ZNF189: variants seen among roughly 807,000 people sequenced by gnomAD.
ZNF189 encodes the protein zinc finger protein 189.
In ZNF189, 33 loss-of-function variants were observed where a neutral mutation model predicts 53.5. The observed-to-expected ratio is 0.62, with a 90% CI of 0.47 to 0.82. ZNF189 has a LOEUF of 0.82. Among genes scored for constraint, ZNF189 ranks in the 40% least tolerant of loss-of-function variants. The probability of loss-of-function intolerance (pLI) is 0.00; values close to 1 mark genes in which losing one functional copy is unlikely to be tolerated. For missense variants in ZNF189, 711 were observed against 753.9 expected, an observed-to-expected ratio of 0.94 and a Z score of 0.67; for synonymous variants, 247 against 238.8, an observed-to-expected ratio of 1.03 and a Z score of -0.32.
Position 101,408,243 on chromosome 9 carries a change from C to A in ZNF189, c.475C>A (p.Arg159Ser). 6.2e-7 allele frequency: 1 copy of A among 1,614,104 alleles called. No individual in the cohort carries two copies. The highest frequency in any genetic ancestry group is 2.2e-5 in the East Asian group (1 of 44,874). ...TGAAGAATGTGGAAAGGGTTTTGTC[C>A]GCAAGGCCCATTTCATTCAACATCA... ...KCEECGKGFV[R>S]KAHFIQHQRV... Residue 159 changes from arginine to serine, a missense_variant, in exon 3 of 3, where the codon CGC (arginine) becomes AGC (serine). Physicochemically the swap from Arg to Ser is moderately radical, Grantham distance 110. Transcript: ENST00000339664.
rs536541759 is a variant in ZNF189 at position 101,409,468 on chromosome 9, C to T, written c.1700C>T (p.Pro567Leu). ...QHQRIHTGEK[P>L]YKCEKCDKSF... ...CAGAGAATACACACAGGAGAGAAAC[C>T]TTATAAGTGTGAGAAGTGCGACAAA... Residue 567 changes from proline to leucine, a missense_variant, in exon 3 of 3, where the codon CCT becomes CTT. Coordinates refer to ENST00000339664, the MANE Select transcript of ZNF189 (RefSeq NM_003452.4). 77 of 1,614,160 alleles carry T rather than the reference C, an allele frequency of 4.8e-5. No homozygotes were observed. In the South Asian group the frequency reaches 8.2e-4, roughly 17 times the overall value.
chr9:101,399,130 T>C lies in ZNF189; in HGVS notation c.-27T>C. On this transcript the variant is annotated 5_prime_UTR_variant, in exon 1 of 3. Coordinates refer to ENST00000339664, the MANE Select transcript of ZNF189 (RefSeq NM_003452.4). ...CTCCTTTCCGTGAGGCCGCCCCCAATTCCTGCCCCTATTCTCTGCCTGGGA... is the reference window on the plus strand; with the variant it reads ...CTCCTTTCCGTGAGGCCGCCCCCAACTCCTGCCCCTATTCTCTGCCTGGGA... 1.3e-6 allele frequency: 2 copies of C among 1,572,260 alleles called. No homozygotes were observed. The highest frequency in any genetic ancestry group is 1.7e-5 in the Admixed American group (1 of 59,834).
intron 2 of ZNF189, among the ~76,000 whole-genome samples, chr9:101,405,564 G>T (rs566867857): frequency 6.6e-6 from 1 of 152,230 alleles, no homozygotes; most frequent in African/African-American, 2.4e-5. Context: ...TCTGGAGGGT[G>T]TATATACAGA....
At position 101,409,917 on chromosome 9, in the gene ZNF189, A is replaced by C; in HGVS notation, c.*268A>C. The C allele has an allele frequency of 2.8e-6, 1 of 354,514 alleles. No individual in the cohort carries two copies. Among genetic ancestry groups the C allele is most frequent in the South Asian group, 4.0e-5 (1 of 24,744 alleles). 22.0% of individuals were successfully genotyped at this position (354,514 alleles called of 1,614,324 possible). Reference sequence around the variant, plus strand: ...GAGAGATTAAACCTAGGTTCAGAGCATGGGTGCTCTGAGGGACAAAGTTGG... The same window carrying C: ...GAGAGATTAAACCTAGGTTCAGAGCCTGGGTGCTCTGAGGGACAAAGTTGG... On this transcript the variant is annotated 3_prime_UTR_variant, in exon 3 of 3. Coordinates refer to ENST00000339664, the MANE Select transcript of ZNF189 (RefSeq NM_003452.4).
At chr9:101,401,240 C>T (rs1241136810) in intron 2 of ZNF189, among the ~76,000 whole-genome samples, 1 of 152,118 alleles carries the variant, frequency 6.6e-6, no homozygotes, top group Non-Finnish European at 1.5e-5. Context: ...TATTTTTTGT[C>T]ACTGATATGC....
chr9:101,402,770 A>G (rs191429080), intron 2 of ZNF189, among the ~76,000 whole-genome samples: 37 of 152,318 alleles, frequency 2.4e-4, no homozygotes, highest in Middle Eastern at 6.8e-3. Flanking sequence ...AGCCAGGCCT[A>G]TATTATATGC....
intron 2 of ZNF189, among the ~76,000 whole-genome samples, chr9:101,403,600 C>T (rs549348866): frequency 1.2e-3 from 186 of 152,352 alleles, no homozygotes; most frequent in Non-Finnish European, 2.0e-3. Context: ...AGCTTAATTT[C>T]TCAGATCTTT....
Position 101,408,939 on chromosome 9 carries a change from C to G in ZNF189, c.1171C>G (p.Gln391Glu). The G allele has an allele frequency of 6.2e-7, 1 of 1,613,986 alleles. No homozygotes were observed. The highest frequency in any genetic ancestry group is 8.5e-7 in the Non-Finnish European group (1 of 1,179,984). ...TCAGCTTTGCAACCTTACTCGTCAT[C>G]AGAGAATTCACACAGGAGACAAGCC... ...FSQLCNLTRH[Q>E]RIHTGDKPHK... Residue 391 changes from glutamine (Q) to glutamate (E), a missense_variant, in exon 3 of 3, where the codon CAG (glutamine) becomes GAG (glutamate). By Grantham distance (29) the Gln-to-Glu change is conservative (BLOSUM62 2). Coordinates refer to ENST00000339664, the MANE Select transcript of ZNF189 (RefSeq NM_003452.4).
chr9:101,399,025 C>T lies in ZNF189; in HGVS notation c.-132C>T. On this transcript the variant is annotated 5_prime_UTR_variant, in exon 1 of 3. Coordinates refer to ENST00000339664, the MANE Select transcript of ZNF189 (RefSeq NM_003452.4). Reference sequence around the variant, plus strand: ...GGTCGTGACCGTCTGGGGGCCGAGGCAGGCACTGGCCAGACCCAGCCAGGG... The same window carrying T: ...GGTCGTGACCGTCTGGGGGCCGAGGTAGGCACTGGCCAGACCCAGCCAGGG... The T allele has an allele frequency of 1.3e-6, 1 of 746,316 alleles. No individual in the cohort carries two copies. Among genetic ancestry groups the T allele is most frequent in the Non-Finnish European group, 2.4e-6 (1 of 410,672 alleles). The allele number at this position is 746,316 out of a possible 1,614,324, so 46.2% of individuals were successfully genotyped here.
Position 101,408,481 on chromosome 9 carries a change from A to C in ZNF189, c.713A>C (p.Lys238Thr). The change falls in exon 3 of 3, where the codon AAA (lysine) becomes ACA (threonine). Residue 238 changes from lysine (K) to threonine (T), a missense_variant. Transcript: ENST00000339664. Reference protein sequence around the residue: ...GERPYQCNQCKQSFSQRRSLV... With the variant: ...GERPYQCNQCTQSFSQRRSLV... ...AGACCCTATCAGTGTAATCAGTGTAAACAGAGCTTCAGCCAGAGAAGGAGC... is the reference window on the plus strand; with the variant it reads ...AGACCCTATCAGTGTAATCAGTGTACACAGAGCTTCAGCCAGAGAAGGAGC... The C allele has an allele frequency of 6.2e-7, 1 of 1,614,154 alleles. No individual in the cohort carries two copies. The highest frequency in any genetic ancestry group is 8.5e-7 in the Non-Finnish European group (1 of 1,180,032).
chr9:101,406,151 G>A (rs1035084199), intron 2 of ZNF189, among the ~76,000 whole-genome samples: 4 of 152,106 alleles, frequency 2.6e-5, no homozygotes, highest in South Asian at 2.1e-4. Flanking sequence ...ACCAGATTTC[G>A]CCACAGGTTG....
intron 2 of ZNF189, among the ~76,000 whole-genome samples, chr9:101,405,963 G>T (rs1163801957): frequency 1.3e-5 from 2 of 151,812 alleles, no homozygotes; most frequent in Non-Finnish European, 2.9e-5. Flanking sequence ...TACTTGGGAG[G>T]CTGAGGCAGG....
At chr9:101,402,101 A>G (rs1018724801) in intron 2 of ZNF189, among the ~76,000 whole-genome samples, 3 of 152,112 alleles carry the variant, frequency 2.0e-5, no homozygotes, top group African/African-American at 7.2e-5. Flanking sequence ...TTTTTAGTAG[A>G]GAAGGGGTTT....
intron 2 of ZNF189, among the ~76,000 whole-genome samples, chr9:101,406,578 T>G (rs1337826298): frequency 1.3e-5 from 2 of 152,094 alleles, no homozygotes; most frequent in Admixed American, 6.6e-5. Context: ...GAAATAAAAT[T>G]TCTAGTAGTT....
chr9:101,399,777 T>G, intron 1 of ZNF189, 107 bp from the exon 2 acceptor site: 2 of 1,536,198 alleles, frequency 1.3e-6, no homozygotes, highest in Non-Finnish European at 1.8e-6. Flanking sequence ...AGTTATCATG[T>G]TCCTCCTAGC....
At position 101,404,446 on chromosome 9, in the gene ZNF189, T is replaced by C. The variant is rs1309932208; in HGVS notation, c.161-3483T>C. 2.0e-5 allele frequency among the ~76,000 whole-genome samples: 3 copies of C among 152,292 alleles called. No homozygotes were observed. The South Asian group carries it at 6.2e-4, about 32-fold the overall frequency. ...TATAATATTGAATCTCTTTAGCCAT[T>C]TGGTTGACTCTGTTTAACTGTATCC... On this transcript the variant is annotated intron_variant, in intron 2 of 2. Coordinates refer to ENST00000339664, the MANE Select transcript of ZNF189 (RefSeq NM_003452.4).
In ZNF189 at chr9:101,399,378, T is replaced by C; in HGVS notation, c.33+189T>C. 2.2e-6 allele frequency: 3 copies of C among 1,378,986 alleles called. No individual in the cohort carries two copies. The South Asian group carries it at 5.2e-5, about 24-fold the overall frequency. 85.4% of individuals were successfully genotyped at this position (1,378,986 alleles called of 1,614,324 possible). A position where few individuals can be genotyped will look rare whatever the true frequency, so the allele number is the denominator to read the frequency against. The stretch of plus-strand genomic sequence containing the variant: ...ACAAACTGCCCACTGGCTCCCTTTT[T>C]TTTTTTCTTTTTCTAGAGAGACTTG... On this transcript the variant is annotated intron_variant, in intron 1 of 2. Coordinates refer to ENST00000339664, the MANE Select transcript of ZNF189 (RefSeq NM_003452.4).
In ZNF189 at chr9:101,398,868, G is replaced by C; in HGVS notation, c.-289G>C. 5.0e-6 allele frequency: 3 copies of C among 598,202 alleles called. No individual in the cohort carries two copies. The highest frequency in any genetic ancestry group is 8.9e-6 in the Non-Finnish European group (3 of 337,252). The allele number at this position is 598,202 out of a possible 1,614,324, so 37.1% of individuals were successfully genotyped here. ...GGGCGGGCGGTCATAGCGTTACTTG[G>C]CTGCAAGGAGGAGGAACTGGCAGCG... On this transcript the variant is annotated 5_prime_UTR_variant, in exon 1 of 3. Transcript: ENST00000339664.
chr9:101,406,380 A>G (rs1224515381), intron 2 of ZNF189, among the ~76,000 whole-genome samples: 1 of 152,168 alleles, frequency 6.6e-6, no homozygotes, highest in African/African-American at 2.4e-5. Context: ...CCCAGAGGTG[A>G]GTAGGATCGG....
Sources: gnomAD v4.1 joint callset for allele counts (sites outside exome capture counted in the v4.1 genomes callset) on GRCh38, gnomAD v4.1.1 for gene constraint, MANE v1.5 for transcripts, NCBI Gene and HGNC (gene_info 2026-07-23, HGNC 2026-07-21) for gene names.